The following SEC11A variants were observed in gnomAD, a reference collection of about 807,000 sequenced individuals.
SEC11A encodes the protein signal peptidase complex catalytic subunit SEC11A.
SEC11A carries 14 observed loss-of-function variants against 25.6 expected under a neutral mutation model. The observed-to-expected ratio is 0.55, with a 90% CI of 0.36 to 0.85. The LOEUF is 0.85. Among genes scored for constraint, SEC11A ranks in the 40% least tolerant of loss-of-function variants. The pLI is 0.01. For missense variants in SEC11A, 153 were observed against 222.9 expected (o/e 0.69, Z 2.00); for synonymous variants, 83 against 76.4 (o/e 1.09, Z -0.45).
chr15:84,715,175 G>GT (rs762117116), intron 1 of SEC11A, among the ~76,000 whole-genome samples: 1 of 152,064 alleles, frequency 6.6e-6, no homozygotes, highest in Admixed American at 6.6e-5. Flanking sequence ...ATCCTTAATG[G>GT]TGACATCAGG....
chr15:84,701,980 T>C (rs1197367191), intron 1 of SEC11A, among the ~76,000 whole-genome samples: 2 of 150,456 alleles, frequency 1.3e-5, no homozygotes, highest in Non-Finnish European at 3.0e-5. Flanking sequence ...GGCAGGAGAA[T>C]TGCTTGAACC....
intron 2 of SEC11A, among the ~76,000 whole-genome samples, chr15:84,689,043 AAAG>A (rs1212932174): frequency 1.1e-3 from 170 of 150,676 alleles, no homozygotes; most frequent in African/African-American, 4.0e-3. Flanking sequence ...AAAAAAAAAA[AAAG>A]AAGAAGAAGA....
At chr15:84,712,326 C>G (rs1898300900) in intron 1 of SEC11A, among the ~76,000 whole-genome samples, 1 of 152,052 alleles carries the variant, frequency 6.6e-6, no homozygotes, top group Admixed American at 6.6e-5. Context: ...ACATGAAATA[C>G]TGGGGAGGAT....
chr15:84,683,544 C>T (rs546841824), intron 3 of SEC11A, among the ~76,000 whole-genome samples: 52 of 152,024 alleles, frequency 3.4e-4, no homozygotes, highest in Non-Finnish European at 6.2e-4. Context: ...TGGTGGCAAC[C>T]GGCTCTTATT....
intron 1 of SEC11A, among the ~76,000 whole-genome samples, chr15:84,693,000 T>C (rs1897654523): frequency 6.6e-6 from 1 of 151,768 alleles, no homozygotes; most frequent in Admixed American, 6.6e-5. Flanking sequence ...TTTTTGTATG[T>C]TTTGTAGGGA....
At chr15:84,715,543 G>A (rs1233743003) in intron 1 of SEC11A, among the ~76,000 whole-genome samples, 1 of 152,162 alleles carries the variant, frequency 6.6e-6, no homozygotes, top group African/African-American at 2.4e-5. Flanking sequence ...GCCCGCTACG[G>A]TTCAGCTCTA....
intron 4 of SEC11A, among the ~76,000 whole-genome samples, chr15:84,678,678 C>T (rs911880386): frequency 2.0e-5 from 3 of 152,048 alleles, no homozygotes; most frequent in East Asian, 1.9e-4. Context: ...ACACAAAATG[C>T]GTTTTATGTT....
At chr15:84,700,904 C>T (rs1045081001) in intron 1 of SEC11A, among the ~76,000 whole-genome samples, 45 of 145,324 alleles carry the variant, frequency 3.1e-4, no homozygotes, top group African/African-American at 9.0e-4. Flanking sequence ...CACTTGAACC[C>T]GGAAGGCAGA....
At chr15:84,677,114 G>T (rs563870205) in intron 4 of SEC11A, among the ~76,000 whole-genome samples, 1 of 151,946 alleles carries the variant, frequency 6.6e-6, no homozygotes, top group East Asian at 1.9e-4. Flanking sequence ...GCATGAAGAC[G>T]TATGTACTAC....
At chr15:84,700,593 C>CAAAAAAAAAAAAAAAAAAAA (rs776113920) in intron 1 of SEC11A, among the ~76,000 whole-genome samples, 2 of 36,102 alleles carry the variant, frequency 5.5e-5, no homozygotes, top group Admixed American at 5.7e-4. Context: ...GACTCTGTCT[C>CAAAAAAAAAAAAAAAAAAAA]AAAAAAAAAA....
intron 4 of SEC11A, chr15:84,680,042 G>A (rs571566773): frequency 1.5e-5 from 15 of 976,394 alleles, no homozygotes; most frequent in Middle Eastern, 2.1e-4. Flanking sequence ...GAAATATTAT[G>A]GATTAAATTA....
In SEC11A at chr15:84,674,594, TGGCACCCA is replaced by T. The variant is rs1372471754; in HGVS notation, c.432-3820_432-3813del. ...TTTTTTTTGATACATGATCTTACTC[TGGCACCCA>T]GGCTAGAATGCAGTGGTGTGATCAT... On this transcript the variant is annotated intron_variant, in intron 4 of 5. Coordinates refer to ENST00000268220, the MANE Select transcript of SEC11A (RefSeq NM_014300.4). Among the ~76,000 whole-genome samples the T allele has an allele frequency of 4.6e-5, 7 of 152,262 alleles. No homozygotes were observed. The East Asian group carries it at 1.3e-3, about 29-fold the overall frequency.
At chr15:84,714,551 A>G (rs1227634054) in intron 1 of SEC11A, among the ~76,000 whole-genome samples, 1 of 152,254 alleles carries the variant, frequency 6.6e-6, no homozygotes, top group Non-Finnish European at 1.5e-5. Flanking sequence ...TACAACAATA[A>G]AAGTAAACAT....
At chr15:84,701,984 T>G (rs892404768) in intron 1 of SEC11A, among the ~76,000 whole-genome samples, 15 of 150,130 alleles carry the variant, frequency 1.0e-4, no homozygotes, top group African/African-American at 3.2e-4. Context: ...GGAGAATTGC[T>G]TGAACCCGGG....
chr15:84,686,368 T>C (rs1444364390), intron 3 of SEC11A: 2 of 152,184 alleles, frequency 1.3e-5, no homozygotes, highest in Non-Finnish European at 1.5e-5. Context: ...CCCAGCACTT[T>C]GGGAGGCCAA....
intron 3 of SEC11A, among the ~76,000 whole-genome samples, chr15:84,683,815 G>A (rs899451228): frequency 2.5e-5 from 3 of 118,010 alleles, no homozygotes; most frequent in African/African-American, 5.1e-5. Flanking sequence ...CTGAGCCACC[G>A]CACCTGATCT....
chr15:84,716,103 A>AG lies in SEC11A; in HGVS notation c.-29dup. ...CGGGGACGGCGAGCAGGACACCGGCAGGGGAAAGGGCGCGATGACCAGCGG... is the reference window on the plus strand; with the variant it reads ...CGGGGACGGCGAGCAGGACACCGGCAGGGGGAAAGGGCGCGATGACCAGCGG... On this transcript the variant is annotated 5_prime_UTR_variant, in exon 1 of 6. Transcript: ENST00000268220. 7 of 1,611,456 alleles carry AG rather than the reference A, an allele frequency of 4.3e-6. No individual in the cohort carries two copies. The East Asian group carries it at 1.6e-4, about 36-fold the overall frequency.
chr15:84,683,363 C>G (rs1006710361), intron 3 of SEC11A, among the ~76,000 whole-genome samples: 1 of 151,532 alleles, frequency 6.6e-6, no homozygotes, highest in Non-Finnish European at 1.5e-5. Flanking sequence ...TGGACTATTA[C>G]CAAAGACTTG....
intron 3 of SEC11A, among the ~76,000 whole-genome samples, chr15:84,683,988 C>T (rs1455350099): frequency 6.6e-6 from 1 of 152,104 alleles, no homozygotes; most frequent in African/African-American, 2.4e-5. Flanking sequence ...TTAATTCACC[C>T]ATCACAATAC....
Sources: gnomAD v4.1 joint callset for allele counts (sites outside exome capture counted in the v4.1 genomes callset) on GRCh38, gnomAD v4.1.1 for gene constraint, MANE v1.5 for transcripts, NCBI Gene and HGNC (gene_info 2026-07-23, HGNC 2026-07-21) for gene names.